KIF21A: variants seen among roughly 807,000 people sequenced by gnomAD.
KIF21A encodes the protein kinesin family member 21A.
Under a neutral mutation model 202.9 loss-of-function variants are expected in KIF21A, and 114 were observed. That is an observed-to-expected ratio of 0.56 (90% CI 0.48 to 0.66). The LOEUF (loss-of-function observed/expected upper bound fraction) is 0.66, where lower values mean the gene tolerates loss of function less well. Among genes scored for constraint, KIF21A ranks in the 30% least tolerant of loss-of-function variants. KIF21A has a pLI of 0.00. For synonymous variants in KIF21A, 667 were observed against 670.8 expected (o/e 0.99, Z 0.09); for missense variants, 1,677 against 1,994.9 (o/e 0.84, Z 3.04).
At chr12:39,428,783 C>T (rs1006619774) in intron 1 of KIF21A, among the ~76,000 whole-genome samples, 7 of 151,974 alleles carry the variant, frequency 4.6e-5, no homozygotes, top group Admixed American at 3.9e-4. Flanking sequence ...CATGGTGAAA[C>T]CCTGGCTCTA....
intron 1 of KIF21A, among the ~76,000 whole-genome samples, chr12:39,392,587 G>A (rs770142316): frequency 6.6e-6 from 1 of 151,976 alleles, no homozygotes; most frequent in Admixed American, 6.6e-5. Flanking sequence ...TTGCCAGAAA[G>A]TGAAATAAAT....
intron 7 of KIF21A, among the ~76,000 whole-genome samples, chr12:39,362,201 T>G (rs1017786656): frequency 6.6e-6 from 1 of 152,186 alleles, no homozygotes; most frequent in Non-Finnish European, 1.5e-5. Context: ...CCTACAGAAC[T>G]GTAAGACAAT....
Position 39,322,697 on chromosome 12 carries a change from T to TG in KIF21A, c.3641dup (p.Pro1215ThrfsTer6). ...TGCCTATCTTAGAAGGTAAGCCAGG[T>TG]GGGGGAGAGAGCTCTTTTTCCCTAG... On this transcript the variant is annotated frameshift_variant, in exon 27 of 38. Coordinates refer to ENST00000361418, the MANE Select transcript of KIF21A (RefSeq NM_001173464.2). LOFTEE classifies it high-confidence loss of function. The TG allele has an allele frequency of 6.2e-7, 1 of 1,613,786 alleles. No individual in the cohort carries two copies. The highest frequency in any genetic ancestry group is 8.5e-7 in the Non-Finnish European group (1 of 1,179,942).
At chr12:39,396,280 C>T (rs1951754487) in intron 1 of KIF21A, among the ~76,000 whole-genome samples, 1 of 152,128 alleles carries the variant, frequency 6.6e-6, no homozygotes, top group African/African-American at 2.4e-5. Context: ...TGATTAAAAC[C>T]TGCTTTCCTT....
intron 1 of KIF21A, among the ~76,000 whole-genome samples, chr12:39,384,398 G>T (rs1190217860): frequency 6.6e-6 from 1 of 152,092 alleles, no homozygotes; most frequent in African/African-American, 2.4e-5. Flanking sequence ...TAAATCAGTG[G>T]TTCACAGCAT....
At chr12:39,368,359 G>A (rs1490783860) in intron 3 of KIF21A, among the ~76,000 whole-genome samples, 3 of 152,100 alleles carry the variant, frequency 2.0e-5, no homozygotes, top group Non-Finnish European at 4.4e-5. Flanking sequence ...GCCAAATGTG[G>A]ACAAATCTTA....
intron 1 of KIF21A, among the ~76,000 whole-genome samples, chr12:39,405,324 C>T (rs1453104975): frequency 6.6e-6 from 1 of 151,878 alleles, no homozygotes; most frequent in Non-Finnish European, 1.5e-5. Flanking sequence ...TACACTCCAG[C>T]CTGGACGACA....
intron 1 of KIF21A, among the ~76,000 whole-genome samples, chr12:39,440,478 T>A (rs1206608569): frequency 3.3e-5 from 5 of 152,198 alleles, no homozygotes; most frequent in Non-Finnish European, 7.3e-5. Context: ...AGACTTTACA[T>A]GAGATAAAAC....
In KIF21A at chr12:39,393,206, C is replaced by G. The variant is rs1431571256; in HGVS notation, c.45-22945G>C. The stretch of plus-strand genomic sequence containing the variant: ...TCCTGGCACTGTGCAAGACCTGCAG[C>G]AGTATGGCACCAGACTTGGTCTGAC... On this transcript the variant is annotated intron_variant, in intron 1 of 37. Coordinates refer to ENST00000361418, the MANE Select transcript of KIF21A (RefSeq NM_001173464.2). Among the ~76,000 whole-genome samples the G allele has an allele frequency of 4.0e-5, 6 of 151,844 alleles. No individual in the cohort carries two copies. In the East Asian group the frequency reaches 5.8e-4, roughly 15 times the overall value.
At chr12:39,308,121 C>G (rs536250089) in intron 33 of KIF21A, among the ~76,000 whole-genome samples, 2 of 152,100 alleles carry the variant, frequency 1.3e-5, no homozygotes. Context: ...GTAATCCCAG[C>G]ACTTTGGAGG....
At chr12:39,356,591 C>A in intron 10 of KIF21A, 1 of 340,162 alleles carries the variant, frequency 2.9e-6, no homozygotes, top group Non-Finnish European at 5.3e-6. Context: ...GGTAAGCACC[C>A]AATATTGGGA....
At chr12:39,415,227 A>G (rs1282752831) in intron 1 of KIF21A, among the ~76,000 whole-genome samples, 10 of 133,438 alleles carry the variant, frequency 7.5e-5, no homozygotes, top group Non-Finnish European at 1.4e-4. Context: ...CTGGTAGAGA[A>G]TGCTTTTTTT....
chr12:39,348,539 T>C (rs978353959), intron 11 of KIF21A, among the ~76,000 whole-genome samples: 1 of 152,032 alleles, frequency 6.6e-6, no homozygotes, highest in Non-Finnish European at 1.5e-5. Context: ...ACGCAGCTTC[T>C]GGAAAATGAT....
At chr12:39,334,888 T>G (rs1460342051) in intron 17 of KIF21A, among the ~76,000 whole-genome samples, 6 of 152,186 alleles carry the variant, frequency 3.9e-5, no homozygotes, top group Admixed American at 1.3e-4. Flanking sequence ...TTGGTCTCCC[T>G]TATCTTATAT....
intron 1 of KIF21A, among the ~76,000 whole-genome samples, chr12:39,428,956 CAA>C (rs931501673): frequency 2.6e-4 from 17 of 65,588 alleles, no homozygotes; most frequent in Admixed American, 5.3e-4. Context: ...GACTCCGTCT[CAA>C]AAAAAAAAAA....
In KIF21A at chr12:39,294,420, A is replaced by C; in HGVS notation, c.*4T>G. On this transcript the variant is annotated 3_prime_UTR_variant, in exon 38 of 38. Transcript: ENST00000361418. ...TTCAGTTTACAACCTATCTTCATTCATGTTTAATTACTGGCAATATCTTCC... is the reference window on the plus strand; with the variant it reads ...TTCAGTTTACAACCTATCTTCATTCCTGTTTAATTACTGGCAATATCTTCC... 6.3e-7 allele frequency: 1 copy of C among 1,599,366 alleles called. No individual in the cohort carries two copies. The highest frequency in any genetic ancestry group is 8.6e-7 in the Non-Finnish European group (1 of 1,166,634).
chr12:39,302,652 C>T (rs1206220319), intron 36 of KIF21A, among the ~76,000 whole-genome samples: 1 of 152,100 alleles, frequency 6.6e-6, no homozygotes, highest in Non-Finnish European at 1.5e-5. Flanking sequence ...AAAAGCAAAA[C>T]AAAATGAGAA....
intron 1 of KIF21A, among the ~76,000 whole-genome samples, chr12:39,413,336 G>A (rs779268161): frequency 1.3e-5 from 2 of 152,072 alleles, no homozygotes; most frequent in Non-Finnish European, 2.9e-5. Context: ...GGAAACAATT[G>A]GTCAATTCTT....
chr12:39,416,722 T>TATGTACATATATATGTGTGTATATATAC (rs1953711499), intron 1 of KIF21A, among the ~76,000 whole-genome samples: 1 of 116,840 alleles, frequency 8.6e-6, no homozygotes, highest in Admixed American at 8.7e-5. Flanking sequence ...TGTGTATATA[T>TATGTACATATATATGTGTGTATATATAC]GTACATATAT....
Sources: gnomAD v4.1 joint callset for allele counts (sites outside exome capture counted in the v4.1 genomes callset) on GRCh38, gnomAD v4.1.1 for gene constraint, MANE v1.5 for transcripts, NCBI Gene and HGNC (gene_info 2026-07-23, HGNC 2026-07-21) for gene names.